Variants in VTCN1 observed in about 807,000 individuals in gnomAD.
VTCN1 encodes the protein V-set domain-containing T-cell activation inhibitor 1.
In VTCN1, 26 loss-of-function variants were observed where a neutral mutation model predicts 26.5. The observed-to-expected ratio is 0.98, with a 90% CI of 0.72 to 1.36. The LOEUF is 1.36. Ranked by LOEUF, VTCN1 falls within the 40% of genes most tolerant of loss-of-function variation. The pLI, the probability that VTCN1 is intolerant of heterozygous loss-of-function variation, is 0.00. For missense variants in VTCN1, 298 were observed against 337.7 expected (o/e 0.88, Z 0.92); for synonymous variants, 116 against 130.7 (o/e 0.89, Z 0.77).
chr1:117,147,828 A>T lies in VTCN1; in HGVS notation c.725-46T>A. ...TTTAGGGTCATACAGGAGAAGCTGG[A>T]TGTCTTCTTCACATGACTGGTTAGC... is the stretch of plus-strand genomic sequence containing the variant. On this transcript the variant is annotated intron_variant, in intron 4 of 5. Coordinates refer to ENST00000369458, the MANE Select transcript of VTCN1 (RefSeq NM_024626.4). This position sits in a 1 kb window ranked among gnomAD's most constrained non-coding sequence, Gnocchi z 4.6. The T allele has an allele frequency of 6.3e-7, 1 of 1,593,402 alleles. No homozygotes were observed. The highest frequency in any genetic ancestry group is 8.5e-7 in the Non-Finnish European group (1 of 1,172,132).
chr1:117,153,037 T>A, intron 4 of VTCN1, 54 bp downstream of exon 4: 1 of 1,548,118 alleles, frequency 6.5e-7, no homozygotes, highest in South Asian at 1.2e-5. Flanking sequence ...TAAATTTTAA[T>A]TTAGATTTTA....
In VTCN1 at chr1:117,194,222, A is replaced by AT. The variant is rs553184143; in HGVS notation, c.32+16601dup. Reference sequence around the variant, plus strand: ...AAAATGGGCAAAGACTTGAATACACATTTTTTTCAAAGAAGATACGTAAAT... The same window carrying AT: ...AAAATGGGCAAAGACTTGAATACACATTTTTTTTCAAAGAAGATACGTAAAT... On this transcript the variant is annotated intron_variant, in intron 1 of 5. Transcript: ENST00000369458. Among the ~76,000 whole-genome samples, 14 of 152,266 alleles carry AT rather than the reference A, an allele frequency of 9.2e-5. No homozygotes were observed. The South Asian group carries it at 2.3e-3, about 25-fold the overall frequency.
intron 1 of VTCN1, among the ~76,000 whole-genome samples, chr1:117,179,846 A>G (rs1437664408): frequency 1.3e-5 from 2 of 152,146 alleles, no homozygotes; most frequent in African/African-American, 4.8e-5. Context: ...ACGGAGATAG[A>G]TACTATTATC....
intron 4 of VTCN1, among the ~76,000 whole-genome samples, chr1:117,149,218 A>G (rs947292068): frequency 1.3e-5 from 2 of 151,740 alleles, no homozygotes; most frequent in African/African-American, 4.8e-5. Flanking sequence ...TGGGTACACT[A>G]TGGGCATTTC....
intron 1 of VTCN1, among the ~76,000 whole-genome samples, chr1:117,170,938 A>T (rs555376476): frequency 6.6e-6 from 1 of 152,278 alleles, no homozygotes; most frequent in East Asian, 1.9e-4. Flanking sequence ...TGCTGCACCT[A>T]TCAACCCGTC....
chr1:117,174,589 A>T (rs1252430289), intron 1 of VTCN1, among the ~76,000 whole-genome samples: 1 of 152,194 alleles, frequency 6.6e-6, no homozygotes, highest in Non-Finnish European at 1.5e-5. Context: ...CAACATGGTG[A>T]AACCCTGTCT....
At chr1:117,193,159 G>A (rs1648331032) in intron 1 of VTCN1, among the ~76,000 whole-genome samples, 1 of 152,118 alleles carries the variant, frequency 6.6e-6, no homozygotes, top group South Asian at 2.1e-4. Context: ...TAAGGAACTT[G>A]AGCATCTGTG....
intron 1 of VTCN1, among the ~76,000 whole-genome samples, chr1:117,210,151 G>A (rs2101616940): frequency 6.6e-6 from 1 of 152,278 alleles, no homozygotes; most frequent in East Asian, 1.9e-4. Context: ...CTAGAATGTA[G>A]CTCAGGGGAG....
chr1:117,178,925 T>C (rs1358467293), intron 1 of VTCN1, among the ~76,000 whole-genome samples: 2 of 152,110 alleles, frequency 1.3e-5, no homozygotes, highest in Non-Finnish European at 2.9e-5. Flanking sequence ...GTGGGCCCTG[T>C]GTATTCCATC....
chr1:117,198,755 G>A (rs969178398), intron 1 of VTCN1, among the ~76,000 whole-genome samples: 9 of 152,204 alleles, frequency 5.9e-5, no homozygotes, highest in South Asian at 2.1e-4. Flanking sequence ...CAATACCCAC[G>A]TTTATTTAAT....
At chr1:117,204,644 A>G (rs1648951882) in intron 1 of VTCN1, among the ~76,000 whole-genome samples, 1 of 152,058 alleles carries the variant, frequency 6.6e-6, no homozygotes, top group Non-Finnish European at 1.5e-5. Context: ...AGGTGGGTGG[A>G]TCATGAGGTC....
rs905965537 is a variant in VTCN1, at chr1:117,164,457, T to G, written c.97+5650A>C. On this transcript the variant is annotated intron_variant, in intron 2 of 5. Coordinates refer to ENST00000369458, the MANE Select transcript of VTCN1 (RefSeq NM_024626.4). The stretch of plus-strand genomic sequence containing the variant: ...GCATCCTGTGGCTTCAAAGGAGGCC[T>G]TTCCTGGTTGACCAGGAAATTGTGC... Among the ~76,000 whole-genome samples the G allele has an allele frequency of 1.3e-5, 2 of 152,182 alleles. 1 individual carries two copies. The highest frequency in any genetic ancestry group is 1.3e-4 in the Admixed American group (2 of 15,278).
At chr1:117,187,324 A>AG (rs1443705632) in intron 1 of VTCN1, among the ~76,000 whole-genome samples, 3 of 151,090 alleles carry the variant, frequency 2.0e-5, no homozygotes, top group Admixed American at 6.6e-5. Flanking sequence ...AAAAAAAAAA[A>AG]AAAAAAAAAG....
intron 1 of VTCN1, among the ~76,000 whole-genome samples, chr1:117,171,248 T>C (rs1324427356): frequency 1.3e-5 from 2 of 152,240 alleles, no homozygotes; most frequent in Non-Finnish European, 2.9e-5. Flanking sequence ...TTATCCAGCC[T>C]ATCATTGATG....
intron 1 of VTCN1, among the ~76,000 whole-genome samples, chr1:117,188,346 C>T (rs1648067906): frequency 1.3e-5 from 2 of 152,226 alleles, no homozygotes; most frequent in South Asian, 2.1e-4. Flanking sequence ...TGTCCTAGAA[C>T]TATGTGGAGT....
intron 1 of VTCN1, chr1:117,203,495 G>T: frequency 1.8e-6 from 1 of 563,762 alleles, no homozygotes; most frequent in Non-Finnish European, 2.3e-6. Flanking sequence ...TCCCATGACC[G>T]CTGTGCTGGC....
In VTCN1 at chr1:117,153,575, T is replaced by C. The variant is rs149711494; in HGVS notation, c.446-206A>G. ...TAATTATTTGCTCATAGTATTGCTA[T>C]ACATCACAACCCTTTGGCCAATCAC... On this transcript the variant is annotated intron_variant, in intron 3 of 5. Transcript: ENST00000369458. Among the ~76,000 whole-genome samples, 10 of 152,014 alleles carry C rather than the reference T, an allele frequency of 6.6e-5. No individual in the cohort carries two copies. The East Asian group carries it at 1.4e-3, about 21-fold the overall frequency.
chr1:117,171,439 A>G lies in VTCN1; in HGVS notation c.33-1268T>C, dbSNP rs534054802. Among the ~76,000 whole-genome samples the G allele has an allele frequency of 2.0e-5, 3 of 152,328 alleles. No homozygotes were observed. In the South Asian group the frequency reaches 6.2e-4, roughly 32 times the overall value. ...TTAAGGAATCACCACACTGTCTTCCACAATGGTTGAACTAATTTACACTCC... is the reference window on the plus strand; with the variant it reads ...TTAAGGAATCACCACACTGTCTTCCGCAATGGTTGAACTAATTTACACTCC... On this transcript the variant is annotated intron_variant, in intron 1 of 5. Transcript: ENST00000369458.
At chr1:117,203,043 G>T (rs1648867637) in intron 1 of VTCN1, among the ~76,000 whole-genome samples, 1 of 152,154 alleles carries the variant, frequency 6.6e-6, no homozygotes, top group Non-Finnish European at 1.5e-5. Flanking sequence ...CGAGCTGGGA[G>T]ATGAGATGGA....
Sources: gnomAD v4.1 joint callset for allele counts (sites outside exome capture counted in the v4.1 genomes callset) on GRCh38, gnomAD v4.1.1 for gene constraint, Gnocchi (gnomAD v3.1) non-coding constraint, MANE v1.5 for transcripts, NCBI Gene and HGNC (gene_info 2026-07-23, HGNC 2026-07-21) for gene names.